Variants in SPON1 observed in about 807,000 individuals in gnomAD.
SPON1 encodes the protein spondin-1.
A neutral mutation model predicts 111.7 loss-of-function variants in SPON1; 52 were observed. That is an observed-to-expected ratio of 0.47 (90% CI 0.37 to 0.59). SPON1 has a LOEUF of 0.59. Ranked by LOEUF, SPON1 falls within the 20% of genes least tolerant of loss-of-function variation. The pLI, the probability that SPON1 is intolerant of heterozygous loss-of-function variation, is 0.00. For missense variants in SPON1, 957 were observed against 1,068.5 expected (o/e 0.90, Z 1.46); for synonymous variants, 410 against 395.8 (o/e 1.04, Z -0.43).
intron 2 of SPON1, among the ~76,000 whole-genome samples, chr11:14,002,518 G>A (rs531043272): frequency 6.6e-6 from 1 of 152,278 alleles, no homozygotes; most frequent in South Asian, 2.1e-4. Flanking sequence ...CAGGGCTGAA[G>A]ACTGGGGAGA....
intron 2 of SPON1, among the ~76,000 whole-genome samples, chr11:14,001,774 A>G (rs961866980): frequency 1.3e-5 from 2 of 152,240 alleles, no homozygotes; most frequent in African/African-American, 4.8e-5. Context: ...AAACAAACAT[A>G]ATAACCAAGA....
chr11:14,039,545 T>C (rs1171307814), intron 2 of SPON1, among the ~76,000 whole-genome samples: 1 of 152,040 alleles, frequency 6.6e-6, no homozygotes, highest in Non-Finnish European at 1.5e-5. Context: ...AATGTTTTTT[T>C]AAAAAATGAA....
chr11:14,196,423 G>A (rs1454420711), intron 6 of SPON1, among the ~76,000 whole-genome samples: 5 of 152,062 alleles, frequency 3.3e-5, no homozygotes, highest in Admixed American at 6.6e-5. Flanking sequence ...ACACTGTGAC[G>A]ATACTAAAAA....
chr11:14,169,537 C>T (rs1554932207), intron 6 of SPON1, among the ~76,000 whole-genome samples: 1 of 151,486 alleles, frequency 6.6e-6, no homozygotes, highest in East Asian at 1.9e-4. Flanking sequence ...CTTTTGTTGC[C>T]ATTGCTTTTG....
chr11:14,050,311 A>G (rs1466610830), intron 3 of SPON1, among the ~76,000 whole-genome samples: 1 of 152,174 alleles, frequency 6.6e-6, no homozygotes, highest in East Asian at 1.9e-4. Context: ...TGTGGTCATA[A>G]TGTAGGTCAG....
intron 2 of SPON1, among the ~76,000 whole-genome samples, chr11:14,000,084 C>T (rs1035811651): frequency 4.6e-5 from 7 of 152,174 alleles, no homozygotes; most frequent in African/African-American, 1.7e-4. Context: ...CTCTAGCATT[C>T]CAAGGTTTTT....
intron 2 of SPON1, among the ~76,000 whole-genome samples, chr11:14,021,434 G>T (rs1318877987): frequency 6.6e-6 from 1 of 152,048 alleles, no homozygotes; most frequent in African/African-American, 2.4e-5. Flanking sequence ...AGGGCTGAGG[G>T]TTGTATATTG....
intron 4 of SPON1, among the ~76,000 whole-genome samples, chr11:14,076,506 T>C (rs1848919160): frequency 6.6e-6 from 1 of 152,246 alleles, no homozygotes; most frequent in African/African-American, 2.4e-5. Context: ...CAGCCCTATA[T>C]GGTAAAGATT....
At chr11:14,249,752 T>C (rs777257797) in intron 7 of SPON1, among the ~76,000 whole-genome samples, 3 of 152,176 alleles carry the variant, frequency 2.0e-5, no homozygotes, top group Admixed American at 6.5e-5. Flanking sequence ...TTTGGAAAAG[T>C]TGAATGAGAA....
intron 6 of SPON1, among the ~76,000 whole-genome samples, chr11:14,195,016 A>G (rs1848385641): frequency 6.6e-6 from 1 of 152,164 alleles, no homozygotes; most frequent in African/African-American, 2.4e-5. Context: ...AAATATTGAA[A>G]CGTCTTTAGT....
chr11:14,031,165 AT>A (rs1848555831), intron 2 of SPON1, among the ~76,000 whole-genome samples: 1 of 152,222 alleles, frequency 6.6e-6, no homozygotes. Context: ...TCATATGGAC[AT>A]AAAGATGGAA....
chr11:14,057,831 C>CAAAAAAAAAAAAAAAAAAA (rs782306609), intron 3 of SPON1, among the ~76,000 whole-genome samples: 38 of 100,506 alleles, frequency 3.8e-4, no homozygotes, highest in South Asian at 9.0e-4. Flanking sequence ...CTTGTCTCTA[C>CAAAAAAAAAAAAAAAAAAA]AAAAAAAAAA....
chr11:13,976,595 TTA>T (rs1172169801), intron 1 of SPON1, among the ~76,000 whole-genome samples: 1 of 152,206 alleles, frequency 6.6e-6, no homozygotes, highest in African/African-American at 2.4e-5. Flanking sequence ...GAATGCAGTA[TTA>T]TGGGAAGCTG....
At chr11:14,157,225 AT>A (rs141424969) in intron 6 of SPON1, among the ~76,000 whole-genome samples, 4,123 of 152,126 alleles carry the variant, frequency 0.027, 82 homozygotes, top group Non-Finnish European at 0.044. Flanking sequence ...CTCCTTCAGC[AT>A]TTTTTAGAAT....
At chr11:14,110,091 G>A (rs1211150520) in intron 5 of SPON1, among the ~76,000 whole-genome samples, 1 of 152,186 alleles carries the variant, frequency 6.6e-6, no homozygotes, top group Non-Finnish European at 1.5e-5. Flanking sequence ...TGCCTGGCCA[G>A]TTCTATCAGT....
At chr11:14,143,908 T>C (rs1262208570) in intron 6 of SPON1, among the ~76,000 whole-genome samples, 8 of 152,112 alleles carry the variant, frequency 5.3e-5, no homozygotes, top group African/African-American at 1.7e-4. Context: ...AGAAAGAGTA[T>C]GGGGCCCCAA....
At position 14,075,337 on chromosome 11, in the gene SPON1, C is replaced by T. The variant is rs782380934; in HGVS notation, c.480-8C>T. On this transcript the variant is annotated splice_region_variant and splice_polypyrimidine_tract_variant and intron_variant, in intron 3 of 15. Transcript: ENST00000576479. The stretch of plus-strand genomic sequence containing the variant: ...TCACCACTGTGCTTGGGTCTTCTTT[C>T]TTCACAGGGCCAGCATCGTACAAAA... 1 of 1,555,192 alleles carries T rather than the reference C, an allele frequency of 6.4e-7. No homozygotes were observed. The highest frequency in any genetic ancestry group is 1.9e-5 in the Admixed American group (1 of 51,474).
rs1847984054 is a variant in SPON1 at position 13,962,862 on chromosome 11, G to A, written c.-43G>A. ...GGACCACTTCGGGCAGGAGTCGCGT[G>A]GCGAAGGCCTGCGGCCGCGGCACAA... On this transcript the variant is annotated 5_prime_UTR_variant, in exon 1 of 16. Transcript: ENST00000576479. 1 of 1,410,534 alleles carries A rather than the reference G, an allele frequency of 7.1e-7. No individual in the cohort carries two copies. The highest frequency in any genetic ancestry group is 9.2e-7 in the Non-Finnish European group (1 of 1,087,676). 87.4% of individuals were successfully genotyped at this position (1,410,534 alleles called of 1,614,324 possible). A position where few individuals can be genotyped will look rare whatever the true frequency, so the allele number is the denominator to read the frequency against.
chr11:14,117,129 A>G (rs782371540), intron 5 of SPON1, among the ~76,000 whole-genome samples: 10 of 152,176 alleles, frequency 6.6e-5, no homozygotes, highest in African/African-American at 1.2e-4. Context: ...GAATTTACGT[A>G]CACAATAAGT....
Sources: gnomAD v4.1 joint callset for allele counts (sites outside exome capture counted in the v4.1 genomes callset) on GRCh38, gnomAD v4.1.1 for gene constraint, MANE v1.5 for transcripts, NCBI Gene and HGNC (gene_info 2026-07-23, HGNC 2026-07-21) for gene names.